Variants in SNTG1 observed in about 807,000 individuals in gnomAD.
SNTG1 encodes the protein gamma-1-syntrophin.
A neutral mutation model predicts 74.7 loss-of-function variants in SNTG1; 39 were observed. The observed-to-expected ratio is 0.52, with a 90% confidence interval of 0.40 to 0.68. The LOEUF (loss-of-function observed/expected upper bound fraction) is 0.68, where lower values mean the gene tolerates loss of function less well. SNTG1 is among the 30% of genes least tolerant of loss of function. SNTG1 has a pLI of 0.00. For missense variants in SNTG1, 685 were observed against 609.5 expected (o/e 1.12, Z -1.30); for synonymous variants, 254 against 217.1 (o/e 1.17, Z -1.49).
chr8:50,746,436 A>G (rs1256318730), intron 17 of SNTG1, among the ~76,000 whole-genome samples: 1 of 151,974 alleles, frequency 6.6e-6, no homozygotes, highest in Admixed American at 6.6e-5. Flanking sequence ...TCTTTGGCCT[A>G]TCTATTCATG....
chr8:50,138,628 CAAT>C (rs34280300), intron 1 of SNTG1, among the ~76,000 whole-genome samples: 20,679 of 140,638 alleles, frequency 0.15, 2,869 homozygotes, highest in African/African-American at 0.38. Flanking sequence ...TCTGTCTCAA[CAAT>C]AATAATAATA....
intron 2 of SNTG1, among the ~76,000 whole-genome samples, chr8:50,288,229 G>T (rs561951765): frequency 6.6e-6 from 1 of 152,220 alleles, no homozygotes; most frequent in African/African-American, 2.4e-5. Flanking sequence ...AAAGGATTAA[G>T]ATTGCACACA....
At chr8:50,168,771 G>A (rs2082710467) in intron 1 of SNTG1, among the ~76,000 whole-genome samples, 1 of 152,042 alleles carries the variant, frequency 6.6e-6, no homozygotes, top group Admixed American at 6.6e-5. Flanking sequence ...AAACTTTTAA[G>A]ATTTTAATTA....
At chr8:49,943,872 A>T (rs1224123809) in intron 1 of SNTG1, among the ~76,000 whole-genome samples, 2 of 152,140 alleles carry the variant, frequency 1.3e-5, no homozygotes, top group Admixed American at 1.3e-4. Context: ...AGTTTAAATG[A>T]TTAGTTTTTG....
At chr8:50,113,284 G>A (rs2080677333) in intron 1 of SNTG1, among the ~76,000 whole-genome samples, 11 of 152,086 alleles carry the variant, frequency 7.2e-5, no homozygotes, top group Admixed American at 7.2e-4. Flanking sequence ...GTTGAGCAGT[G>A]GTCTGTAGTT....
chr8:50,551,141 C>T (rs1271764197), intron 11 of SNTG1, among the ~76,000 whole-genome samples: 1 of 152,008 alleles, frequency 6.6e-6, no homozygotes, highest in Non-Finnish European at 1.5e-5. Context: ...TACTAATAAC[C>T]TTCTTTACTT....
At chr8:50,261,496 A>C (rs187607599) in intron 2 of SNTG1, among the ~76,000 whole-genome samples, 53 of 152,100 alleles carry the variant, frequency 3.5e-4, no homozygotes, top group Non-Finnish European at 4.6e-4. Flanking sequence ...AAAGGTAAAA[A>C]TTTTTTTTAT....
Position 50,795,109 on chromosome 8 carries a change from A to G in SNTG1, c.*2280A>G, listed in dbSNP as rs1313395380. On this transcript the variant is annotated 3_prime_UTR_variant, in exon 19 of 19. Coordinates refer to ENST00000642720, the MANE Select transcript of SNTG1 (RefSeq NM_018967.5). ...TGAAATGCTGACCATTAATTATATT[A>G]GAAGAATGTTTTGTGTACATACATT... 1 of 152,006 alleles carries G rather than the reference A, an allele frequency of 6.6e-6. No homozygotes were observed. Among genetic ancestry groups the G allele is most frequent in the Non-Finnish European group, 1.5e-5 (1 of 67,940 alleles). 9.4% of individuals were successfully genotyped at this position (152,006 alleles called of 1,614,324 possible). A position where few individuals can be genotyped will look rare whatever the true frequency, so the allele number is the denominator to read the frequency against.
chr8:50,240,591 C>T (rs951472012), intron 2 of SNTG1, among the ~76,000 whole-genome samples: 2 of 152,086 alleles, frequency 1.3e-5, no homozygotes, highest in Non-Finnish European at 1.5e-5. Flanking sequence ...CTCTCCTCTA[C>T]GATTAGCAGG....
rs958765199 is a variant in SNTG1 at position 50,252,621 on chromosome 8, G to A, written c.-28+79986G>A. Among the ~76,000 whole-genome samples the A allele has an allele frequency of 3.3e-5, 5 of 152,286 alleles. No homozygotes were observed. In the East Asian group the frequency reaches 9.7e-4, roughly 29 times the overall value. ...TCAGGATGCTTCCATGGTGGAAGTT[G>A]AAGGAAGAGACCACAAATCACATGG... is the stretch of plus-strand genomic sequence containing the variant. On this transcript the variant is annotated intron_variant, in intron 2 of 18. Transcript: ENST00000642720.
At chr8:49,982,356 C>A (rs1219906855) in intron 1 of SNTG1, among the ~76,000 whole-genome samples, 2 of 151,940 alleles carry the variant, frequency 1.3e-5, no homozygotes, top group Non-Finnish European at 2.9e-5. Flanking sequence ...ATGTTTTTGG[C>A]ATTTTGGGCC....
At chr8:50,454,914 C>G (rs994994449) in intron 8 of SNTG1, among the ~76,000 whole-genome samples, 1 of 148,756 alleles carries the variant, frequency 6.7e-6, no homozygotes, top group Non-Finnish European at 1.5e-5. Flanking sequence ...AGGCTGAGTA[C>G]TTTGTGTGAT....
intron 15 of SNTG1, among the ~76,000 whole-genome samples, chr8:50,687,827 T>G (rs1302658573): frequency 6.6e-6 from 1 of 152,110 alleles, no homozygotes; most frequent in African/African-American, 2.4e-5. Context: ...CAGTGTTTGG[T>G]TTTTTGTCCT....
At chr8:50,714,181 T>G (rs1335266272) in intron 17 of SNTG1, among the ~76,000 whole-genome samples, 1 of 152,134 alleles carries the variant, frequency 6.6e-6, no homozygotes, top group East Asian at 1.9e-4. Flanking sequence ...TCTGTTCTCT[T>G]CCATTGGTCT....
In SNTG1 at chr8:50,433,466, C is replaced by A. The variant is rs184696321; in HGVS notation, c.163-5077C>A. Among the ~76,000 whole-genome samples, 177 of 138,254 alleles carry A rather than the reference C, an allele frequency of 1.3e-3. 1 individual carries two copies. Among genetic ancestry groups the A allele is most frequent in the African/African-American group, 3.5e-3 (130 of 36,816 alleles). The allele number at this position is 138,254 out of a possible 152,430, so 90.7% of individuals were successfully genotyped here. A position where few individuals can be genotyped will look rare whatever the true frequency, so the allele number is the denominator to read the frequency against. ...TTCTCCCCCTTTTTACTACATTGCACCATGAGTTTTCTGTTTTTTTTTTTT... is the reference window on the plus strand; with the variant it reads ...TTCTCCCCCTTTTTACTACATTGCAACATGAGTTTTCTGTTTTTTTTTTTT... On this transcript the variant is annotated intron_variant, in intron 4 of 18. Coordinates refer to ENST00000642720, the MANE Select transcript of SNTG1 (RefSeq NM_018967.5).
At chr8:50,258,964 A>G (rs1245230756) in intron 2 of SNTG1, among the ~76,000 whole-genome samples, 2 of 152,132 alleles carry the variant, frequency 1.3e-5, no homozygotes, top group African/African-American at 4.8e-5. Context: ...CAAGGTCTAA[A>G]CAGGAAAAAT....
chr8:50,097,027 T>C (rs1339646579), intron 1 of SNTG1, among the ~76,000 whole-genome samples: 1 of 152,114 alleles, frequency 6.6e-6, no homozygotes, highest in Admixed American at 6.6e-5. Context: ...TGGGGTGCAG[T>C]GGCGTGATCT....
At chr8:50,750,909 C>T (rs1372880556) in intron 17 of SNTG1, among the ~76,000 whole-genome samples, 1 of 151,788 alleles carries the variant, frequency 6.6e-6, no homozygotes, top group Non-Finnish European at 1.5e-5. Context: ...CCTGTATATA[C>T]CCCGAGGTAT....
At chr8:50,020,159 T>C (rs1312405056) in intron 1 of SNTG1, among the ~76,000 whole-genome samples, 1 of 152,194 alleles carries the variant, frequency 6.6e-6, no homozygotes, top group Admixed American at 6.5e-5. Flanking sequence ...TTGACAAATC[T>C]GGAATCCTAA....
Sources: allele counts gnomAD v4.1 joint callset (sites outside exome capture counted in the v4.1 genomes callset), GRCh38; gene constraint gnomAD v4.1.1; transcripts MANE v1.5; gene names NCBI Gene and HGNC (gene_info 2026-07-23, HGNC 2026-07-21).